Variants in ACLY observed in about 807,000 individuals in gnomAD.
ACLY encodes ATP-citrate synthase.
A neutral mutation model predicts 133.0 loss-of-function variants in ACLY; 41 were observed. The ratio of observed to expected loss-of-function variants is 0.31; its 90% CI spans 0.24 to 0.40. ACLY has a LOEUF of 0.40. Among genes scored for constraint, ACLY ranks in the 10% least tolerant of loss-of-function variants. The probability of loss-of-function intolerance (pLI) is 1.00; values close to 1 mark genes in which losing one functional copy is unlikely to be tolerated. For synonymous variants in ACLY, 495 were observed against 549.3 expected (o/e 0.90, Z 1.38); for missense variants, 1,046 against 1,453.8 (o/e 0.72, Z 4.56).
intron 7 of ACLY, 94 bp downstream of exon 7, chr17:41,907,348 C>A: frequency 4.7e-5 from 40 of 842,230 alleles, no homozygotes; most frequent in South Asian, 2.7e-4. Flanking sequence ...GCCAAATAAA[C>A]AGCTCATGAA....
At position 41,893,138 on chromosome 17, in the gene ACLY, G is replaced by A. The variant is rs782086628; in HGVS notation, c.1496C>T (p.Ala499Val). 1.7e-5 allele frequency: 27 copies of A among 1,613,930 alleles called. No individual in the cohort carries two copies. The highest frequency in any genetic ancestry group is 1.8e-5 in the Non-Finnish European group (21 of 1,179,912). Residue 499 changes from alanine (A) to valine (V), a missense_variant, in exon 15 of 29, where the codon GCC (alanine) becomes GTC (valine). Ala to Val is a moderately conservative substitution (Grantham distance 64, BLOSUM62 0). Around this residue, in one of 4 missense-constraint regions of ACLY, gnomAD observed 575 missense variants for 804.2 expected, o/e 0.71. Transcript: ENST00000352035. ...CCGGGTCTGCATGCCCCACACAATG[G>A]CCTTGGTGTGGCGGCTGAAGAGGGT... The part of the protein sequence containing the change: ...STTLFSRHTK[A>V]IVWGMQTRAV...
intron 1 of ACLY, among the ~76,000 whole-genome samples, chr17:41,918,333 G>C (rs1189771825): frequency 6.6e-6 from 1 of 152,254 alleles, no homozygotes; most frequent in Non-Finnish European, 1.5e-5. Flanking sequence ...GCCTGGCCCC[G>C]CGTGGCCCGC....
At chr17:41,898,084 G>A (rs2049424307) in intron 12 of ACLY, among the ~76,000 whole-genome samples, 1 of 152,156 alleles carries the variant, frequency 6.6e-6, no homozygotes, top group Admixed American at 6.6e-5. Context: ...TCAGCAAAAA[G>A]TAAGAGTAAC....
chr17:41,881,124 GA>G (rs760443872), intron 20 of ACLY, among the ~76,000 whole-genome samples: 49 of 151,830 alleles, frequency 3.2e-4, no homozygotes, highest in Non-Finnish European at 6.3e-4. Flanking sequence ...AGTTGGGGGA[GA>G]GCACTCAAGA....
chr17:41,901,812 C>A lies in ACLY; in HGVS notation c.1067G>T (p.Gly356Val). Residue 356 changes from glycine to valine, a missense_variant and splice_region_variant, in exon 11 of 29, where the codon GGC (glycine) becomes GTC (valine). Coordinates refer to ENST00000352035, the MANE Select transcript of ACLY (RefSeq NM_001096.3). Reference protein sequence around the residue: ...NFTNVAATFKGIVRAIRDYQG... With the variant: ...NFTNVAATFKVIVRAIRDYQG... ...GTAATCTCGAATTGCTCTCACGATG[C>A]CCTGGAAGCCCAAAGTGACATGTGA... 6.4e-7 allele frequency: 1 copy of A among 1,564,702 alleles called. No individual in the cohort carries two copies. The highest frequency in any genetic ancestry group is 1.2e-5 in the South Asian group (1 of 85,174).
At chr17:41,892,134 C>G in intron 16 of ACLY, 145 bp downstream of exon 16, 1 of 784,480 alleles carries the variant, frequency 1.3e-6, no homozygotes, top group Non-Finnish European at 2.0e-6. Context: ...TCCCAAATCC[C>G]CAGCCCTTTG....
chr17:41,891,831 G>A (rs781811005), intron 16 of ACLY, among the ~76,000 whole-genome samples: 9 of 152,142 alleles, frequency 5.9e-5, no homozygotes, highest in Non-Finnish European at 1.2e-4. Flanking sequence ...CTGAGTAGCT[G>A]GGACTACAGG....
At chr17:41,878,667 C>G (rs1368756425) in intron 21 of ACLY, 130 bp downstream of exon 21, 9 of 1,143,248 alleles carry the variant, frequency 7.9e-6, no homozygotes, top group Non-Finnish European at 1.0e-5. Context: ...GATTTTGAAC[C>G]ATCCATACAG....
chr17:41,868,495 T>G (rs1450824812), intron 28 of ACLY, among the ~76,000 whole-genome samples: 1 of 130,340 alleles, frequency 7.7e-6, no homozygotes, highest in Non-Finnish European at 1.6e-5. Context: ...AAAGGAACAA[T>G]GATAAAGATA....
chr17:41,919,616 C>T (rs1455673073), upstream of ACLY, among the ~76,000 whole-genome samples: 1 of 152,220 alleles, frequency 6.6e-6, no homozygotes, highest in Non-Finnish European at 1.5e-5. Context: ...GGTGCAGGCA[C>T]AGCGCTGTCC....
At chr17:41,894,209 T>A (rs1411263596) in intron 14 of ACLY, among the ~76,000 whole-genome samples, 2 of 77,580 alleles carry the variant, frequency 2.6e-5, no homozygotes, top group African/African-American at 4.8e-5. Context: ...AGAGCGGGAC[T>A]CCATCTCAAA....
chr17:41,908,280 A>G (rs782020021), intron 6 of ACLY, among the ~76,000 whole-genome samples: 11 of 152,240 alleles, frequency 7.2e-5, no homozygotes, highest in Non-Finnish European at 1.6e-4. Context: ...CAAGAGACTG[A>G]GACCAAGCTC....
intron 8 of ACLY, 107 bp from the exon 9 acceptor site, chr17:41,905,765 G>T: frequency 7.2e-7 from 1 of 1,395,154 alleles, no homozygotes; most frequent in Non-Finnish European, 1.0e-6. Context: ...GAGTTAGCCT[G>T]TGGAACCGGC....
At chr17:41,918,856 G>A (rs1463316362) in intron 1 of ACLY, 24 bp downstream of exon 1, 16 of 1,287,074 alleles carry the variant, frequency 1.2e-5, no homozygotes, top group Non-Finnish European at 1.5e-5. Flanking sequence ...GCTCCAGCCA[G>A]CGAAAACAGC....
chr17:41,889,629 C>G (rs2049152939), intron 16 of ACLY, among the ~76,000 whole-genome samples: 1 of 143,952 alleles, frequency 6.9e-6, no homozygotes, highest in African/African-American at 2.6e-5. Flanking sequence ...ATTCTCCAGT[C>G]ATAAACTGAA....
intron 12 of ACLY, among the ~76,000 whole-genome samples, chr17:41,898,324 G>C (rs1157614873): frequency 6.6e-6 from 1 of 152,116 alleles, no homozygotes; most frequent in Non-Finnish European, 1.5e-5. Flanking sequence ...TGTTGGCCAG[G>C]CTGGTCTCGA....
At chr17:41,902,972 A>AGAGAT (rs1235673055) in intron 10 of ACLY, among the ~76,000 whole-genome samples, 2 of 152,176 alleles carry the variant, frequency 1.3e-5, no homozygotes, top group African/African-American at 2.4e-5. Context: ...AAATTTTAGT[A>AGAGAT]GAGATGAGAT....
intron 14 of ACLY, among the ~76,000 whole-genome samples, chr17:41,893,722 G>T (rs1555629833): frequency 6.6e-6 from 1 of 151,858 alleles, no homozygotes; most frequent in Non-Finnish European, 1.5e-5. Context: ...TGTGCAGCCG[G>T]GGCTGAGGAC....
intron 1 of ACLY, among the ~76,000 whole-genome samples, chr17:41,925,963 G>A (rs1555635926): frequency 6.6e-6 from 1 of 151,930 alleles, no homozygotes; most frequent in African/African-American, 2.4e-5. Flanking sequence ...TCCTGCCTCG[G>A]CCTCTGGTAC....
Sources: allele counts gnomAD v4.1 joint callset (sites outside exome capture counted in the v4.1 genomes callset), GRCh38; gene constraint gnomAD v4.1.1; regional missense constraint gnomAD v4.1.1; transcripts MANE v1.5; gene names NCBI Gene and HGNC (gene_info 2026-07-23, HGNC 2026-07-21).